Variants in ANKRD13A observed in about 807,000 individuals in gnomAD.
ANKRD13A encodes the protein ankyrin repeat domain-containing protein 13A.
Under a neutral mutation model 81.3 loss-of-function variants are expected in ANKRD13A, and 48 were observed. The ratio of observed to expected loss-of-function variants is 0.59; its 90% CI spans 0.47 to 0.75. The LOEUF (loss-of-function observed/expected upper bound fraction) is 0.75. ANKRD13A is among the 30% of genes least tolerant of loss of function. ANKRD13A has a pLI of 0.00. For missense variants in ANKRD13A, 612 were observed against 734.0 expected (o/e 0.83, Z 1.92); for synonymous variants, 230 against 270.1 (o/e 0.85, Z 1.45).
intron 11 of ANKRD13A, among the ~76,000 whole-genome samples, chr12:110,030,237 G>A (rs773576268): frequency 1.3e-5 from 2 of 151,756 alleles, no homozygotes; most frequent in Non-Finnish European, 2.9e-5. Flanking sequence ...CATGATCTTG[G>A]CTCACTGCAA....
chr12:110,031,946 T>A (rs2137174772), intron 12 of ANKRD13A, among the ~76,000 whole-genome samples: 1 of 152,348 alleles, frequency 6.6e-6, no homozygotes, highest in South Asian at 2.1e-4. Context: ...TTACTTGTCT[T>A]ACACTTTTTT....
Position 109,999,458 on chromosome 12 carries a change from G to A in ANKRD13A, c.-231G>A. On this transcript the variant is annotated 5_prime_UTR_variant, in exon 1 of 15. Transcript: ENST00000261739. This position sits in a 1 kb window ranked among gnomAD's most constrained non-coding sequence, Gnocchi z 4.3. Reference sequence around the variant, plus strand: ...AGTCTGTCCGCGAGCTGTCAGCGCGGGCGGGAACGCCGCGGGGCGCGGGGT... The same window carrying A: ...AGTCTGTCCGCGAGCTGTCAGCGCGAGCGGGAACGCCGCGGGGCGCGGGGT... 4.2e-6 allele frequency: 1 copy of A among 240,312 alleles called. No homozygotes were observed. 14.9% of individuals were successfully genotyped at this position (240,312 alleles called of 1,614,324 possible). A position where few individuals can be genotyped will look rare whatever the true frequency, so the allele number is the denominator to read the frequency against.
chr12:110,030,456 C>T (rs1001471130), intron 11 of ANKRD13A, among the ~76,000 whole-genome samples, 189 bp from the exon 12 acceptor site: 16 of 152,048 alleles, frequency 1.1e-4, no homozygotes, highest in South Asian at 4.2e-4. Flanking sequence ...TGTAAGCCAC[C>T]GCGCCTGACC....
At chr12:110,029,455 CT>C in intron 10 of ANKRD13A, 22 bp from the exon 11 acceptor site, 2 of 1,601,230 alleles carry the variant, frequency 1.2e-6, no homozygotes, top group Non-Finnish European at 1.7e-6. Flanking sequence ...TGACCTCAGT[CT>C]TTTCTTGGTT....
chr12:110,030,014 A>G (rs2137166463), intron 11 of ANKRD13A, among the ~76,000 whole-genome samples: 1 of 152,334 alleles, frequency 6.6e-6, no homozygotes. Context: ...AATATGATCT[A>G]CGTCCCAAGC....
At position 110,009,320 on chromosome 12, in the gene ANKRD13A, A is replaced by T. The variant is rs1890392349; in HGVS notation, c.97-2685A>T. Among the ~76,000 whole-genome samples the T allele has an allele frequency of 2.0e-5, 3 of 152,134 alleles. No homozygotes were observed. The South Asian group carries it at 6.2e-4, about 31-fold the overall frequency. On this transcript the variant is annotated intron_variant, in intron 1 of 14. Transcript: ENST00000261739. ...GGTCTCGAACTCCCGACCTCTAGTG[A>T]TCCACCCGCCTCGGCCTCTCAAAGT...
intron 1 of ANKRD13A, among the ~76,000 whole-genome samples, chr12:110,001,729 T>G (rs1889988022): frequency 6.6e-6 from 1 of 151,734 alleles, no homozygotes; most frequent in Non-Finnish European, 1.5e-5. Flanking sequence ...CTTTTTTCAT[T>G]TAAAAAGAAT....
intron 11 of ANKRD13A, 83 bp from the exon 12 acceptor site, chr12:110,030,562 C>A: frequency 1.4e-6 from 1 of 706,842 alleles, no homozygotes; most frequent in Non-Finnish European, 2.2e-6. Context: ...AAGTACTTGG[C>A]ATAGTAAGCA....
chr12:110,026,703 G>A (rs1292577205), intron 8 of ANKRD13A, among the ~76,000 whole-genome samples: 3 of 152,078 alleles, frequency 2.0e-5, no homozygotes, highest in Non-Finnish European at 2.9e-5. Context: ...CCAATATGGT[G>A]AAACCCTATC....
At chr12:110,035,943 T>C (rs1277660507) in intron 13 of ANKRD13A, among the ~76,000 whole-genome samples, 1 of 152,176 alleles carries the variant, frequency 6.6e-6, no homozygotes, top group Non-Finnish European at 1.5e-5. Flanking sequence ...CTTTGGTCAC[T>C]TGAACTTTGC....
Position 110,012,004 on chromosome 12 carries a change from G to A in ANKRD13A, c.97-1G>A. On this transcript the variant is annotated splice_acceptor_variant, in intron 1 of 14. Coordinates refer to ENST00000261739, the MANE Select transcript of ANKRD13A (RefSeq NM_033121.2). LOFTEE classifies it high-confidence loss of function. Reference sequence around the variant, plus strand: ...TGTAAATGCCAGTGTTTCCTTCACAGAATGTGGAGGCTGTGGACCCACGAG... The same window carrying A: ...TGTAAATGCCAGTGTTTCCTTCACAAAATGTGGAGGCTGTGGACCCACGAG... 6.3e-7 allele frequency: 1 copy of A among 1,597,746 alleles called. No individual in the cohort carries two copies. Among genetic ancestry groups the A allele is most frequent in the Non-Finnish European group, 8.6e-7 (1 of 1,166,640 alleles).
rs1890427409 is a variant in ANKRD13A at position 110,009,902 on chromosome 12, T to G, written c.97-2103T>G. ...GTTTTTGAGACGGAGTCTCGCTCTG[T>G]CACCCAGGCTGGAATGCAATGGCAC... On this transcript the variant is annotated intron_variant, in intron 1 of 14. Transcript: ENST00000261739. Among the ~76,000 whole-genome samples, 3 of 152,266 alleles carry G rather than the reference T, an allele frequency of 2.0e-5. No homozygotes were observed. In the South Asian group the frequency reaches 6.2e-4, roughly 31 times the overall value.
intron 4 of ANKRD13A, among the ~76,000 whole-genome samples, chr12:110,016,641 G>T (rs1182728312): frequency 6.6e-6 from 1 of 152,132 alleles, no homozygotes; most frequent in African/African-American, 2.4e-5. Context: ...TCCCCGCCAT[G>T]CATAGGACTT....
chr12:110,002,653 A>G (rs1379659599), intron 1 of ANKRD13A, among the ~76,000 whole-genome samples: 1 of 152,160 alleles, frequency 6.6e-6, no homozygotes, highest in Non-Finnish European at 1.5e-5. Flanking sequence ...TTATCACCCC[A>G]GCAATAAAGT....
chr12:110,022,575 G>A (rs573184967), intron 6 of ANKRD13A: 4 of 152,300 alleles, frequency 2.6e-5, no homozygotes, highest in African/African-American at 4.8e-5. Flanking sequence ...TCTTCCCAGC[G>A]TGCATGAAGG....
intron 8 of ANKRD13A, among the ~76,000 whole-genome samples, chr12:110,026,416 A>G (rs993548922): frequency 6.6e-6 from 1 of 151,314 alleles, no homozygotes; most frequent in African/African-American, 2.4e-5. Context: ...TGTGCTAAAA[A>G]AAAATACAAA....
intron 1 of ANKRD13A, among the ~76,000 whole-genome samples, chr12:110,003,344 C>T (rs1001966433): frequency 2.6e-5 from 4 of 152,152 alleles, no homozygotes; most frequent in African/African-American, 2.4e-5. Context: ...GGTGAGGCCC[C>T]GGGCACAGAT....
Position 110,036,704 on chromosome 12 carries a change from C to T in ANKRD13A, c.1577+376C>T, listed in dbSNP as rs753069809. Among the ~76,000 whole-genome samples the T allele has an allele frequency of 2.6e-5, 4 of 152,008 alleles. No individual in the cohort carries two copies. The highest frequency in any genetic ancestry group is 5.9e-5 in the Non-Finnish European group (4 of 67,994). ...GGCGGAGCTTGCAGTGAGCCGAGAT[C>T]GCGCCACTGCACTCCAGCCTGGGCG... On this transcript the variant is annotated intron_variant, in intron 14 of 14. Transcript: ENST00000261739. This position sits in a 1 kb window ranked among gnomAD's most constrained non-coding sequence, Gnocchi z 4.6.
At chr12:110,011,341 A>G (rs938628564) in intron 1 of ANKRD13A, among the ~76,000 whole-genome samples, 1 of 152,200 alleles carries the variant, frequency 6.6e-6, no homozygotes, top group African/African-American at 2.4e-5. Context: ...CATGGGGAAG[A>G]AAACCCTTGA....
Sources: gnomAD v4.1 joint callset for allele counts (sites outside exome capture counted in the v4.1 genomes callset) on GRCh38, gnomAD v4.1.1 for gene constraint, Gnocchi (gnomAD v3.1) non-coding constraint, MANE v1.5 for transcripts, NCBI Gene and HGNC (gene_info 2026-07-23, HGNC 2026-07-21) for gene names.